CLDN10: variants seen among roughly 807,000 people sequenced by gnomAD.
CLDN10 encodes the protein claudin-10.
A neutral mutation model predicts 22.9 loss-of-function variants in CLDN10; 15 were observed. The observed-to-expected ratio is 0.65, with a 90% CI of 0.44 to 1.01. The LOEUF (loss-of-function observed/expected upper bound fraction) is 1.01, where lower values mean the gene tolerates loss of function less well. CLDN10 is among the 50% of genes least tolerant of loss of function. The probability of loss-of-function intolerance (pLI) is 0.00; values close to 1 mark genes in which losing one functional copy is unlikely to be tolerated. For missense variants in CLDN10, 247 were observed against 287.8 expected, an observed-to-expected ratio of 0.86 and a Z score of 1.03; for synonymous variants, 114 against 111.4, an observed-to-expected ratio of 1.02 and a Z score of -0.15.
chr13:95,529,091 G>A (rs1000792197), intron 1 of CLDN10, among the ~76,000 whole-genome samples: 2 of 151,964 alleles, frequency 1.3e-5, no homozygotes, highest in Non-Finnish European at 2.9e-5. Context: ...GTAAGATATT[G>A]CTGCCCATGT....
intron 1 of CLDN10, among the ~76,000 whole-genome samples, chr13:95,490,475 C>A (rs1297971256): frequency 6.6e-6 from 1 of 152,130 alleles, no homozygotes; most frequent in African/African-American, 2.4e-5. Context: ...TCATTATTGT[C>A]ATTCAGTTCA....
chr13:95,576,494 C>G (rs561558665), intron 3 of CLDN10, among the ~76,000 whole-genome samples: 1 of 152,284 alleles, frequency 6.6e-6, no homozygotes, highest in East Asian at 1.9e-4. Flanking sequence ...TTTTGGTGTA[C>G]TTTTCTCATT....
intron 1 of CLDN10, among the ~76,000 whole-genome samples, chr13:95,481,032 C>A (rs777721737): frequency 2.6e-5 from 4 of 152,104 alleles, no homozygotes; most frequent in Non-Finnish European, 5.9e-5. Flanking sequence ...AGAGGACACA[C>A]CATCCATAAA....
At chr13:95,576,128 G>A (rs946171541) in intron 3 of CLDN10, among the ~76,000 whole-genome samples, 1 of 152,170 alleles carries the variant, frequency 6.6e-6, no homozygotes, top group African/African-American at 2.4e-5. Flanking sequence ...GGCTCAGGAC[G>A]AACCCAGGCA....
At chr13:95,564,881 G>C (rs6492811) in intron 3 of CLDN10, among the ~76,000 whole-genome samples, 1 of 152,130 alleles carries the variant, frequency 6.6e-6, no homozygotes, top group Non-Finnish European at 1.5e-5. Flanking sequence ...TTCCCACCAC[G>C]TATCTGGGAA....
intron 1 of CLDN10, among the ~76,000 whole-genome samples, chr13:95,547,351 A>G (rs1457197431): frequency 6.6e-6 from 1 of 151,860 alleles, no homozygotes; most frequent in Non-Finnish European, 1.5e-5. Flanking sequence ...ATTCGACTCC[A>G]CACTTTCTGC....
chr13:95,532,737 G>T (rs2043356957), intron 1 of CLDN10, among the ~76,000 whole-genome samples: 1 of 112,158 alleles, frequency 8.9e-6, no homozygotes, highest in African/African-American at 3.5e-5. Flanking sequence ...ATGTTAATCT[G>T]CAGAAAAATG....
intron 1 of CLDN10, among the ~76,000 whole-genome samples, chr13:95,524,429 C>T (rs2043256713): frequency 6.6e-6 from 1 of 152,116 alleles, no homozygotes; most frequent in African/African-American, 2.4e-5. Flanking sequence ...GTCTTTGCGT[C>T]CGGGTTCTTT....
At chr13:95,481,168 G>T (rs1459587581) in intron 1 of CLDN10, among the ~76,000 whole-genome samples, 3 of 152,162 alleles carry the variant, frequency 2.0e-5, no homozygotes, top group African/African-American at 4.8e-5. Flanking sequence ...GGCACTCAGA[G>T]CATGGCCTAG....
rs2043613346 is a variant in CLDN10 at position 95,554,838 on chromosome 13, T to C, written c.220+1865T>C. On this transcript the variant is annotated intron_variant, in intron 1 of 4. Transcript: ENST00000299339. ...ACATTGGACCTTTTCCAGCTTTTCT[T>C]TGTTGGTGGTGCTTTACTGAAAATC... 3.3e-5 allele frequency among the ~76,000 whole-genome samples: 5 copies of C among 152,272 alleles called. No homozygotes were observed. The South Asian group carries it at 1.0e-3, about 32-fold the overall frequency.
intron 1 of CLDN10, among the ~76,000 whole-genome samples, chr13:95,503,214 C>T (rs2043004113): frequency 6.6e-6 from 1 of 151,916 alleles, no homozygotes; most frequent in Admixed American, 6.6e-5. Flanking sequence ...TGTAGATTTT[C>T]ATAGAGGTGA....
At position 95,485,205 on chromosome 13, in the gene CLDN10, C is replaced by T. The variant is rs576347675; in HGVS notation, c.214+51158C>T. On this transcript the variant is annotated intron_variant, in intron 1 of 4. Transcript: ENST00000376873. ...CAAGAGGGCGAGGTGCCCCTGGTTC[C>T]TGTAAGAGGATGTGTTTGGTTTGCT... Among the ~76,000 whole-genome samples the T allele has an allele frequency of 3.8e-4, 58 of 152,144 alleles. 1 individual carries two copies. The highest frequency in any genetic ancestry group is 1.4e-3 in the African/African-American group (57 of 41,526).
chr13:95,484,721 C>T (rs1382767775), intron 1 of CLDN10, among the ~76,000 whole-genome samples: 1 of 149,852 alleles, frequency 6.7e-6, no homozygotes, highest in Non-Finnish European at 1.5e-5. Context: ...CAAAAATTAG[C>T]CAGGTGTGGT....
intron 1 of CLDN10, among the ~76,000 whole-genome samples, chr13:95,475,267 A>G (rs1436921989): frequency 2.0e-5 from 3 of 152,186 alleles, no homozygotes; most frequent in African/African-American, 4.8e-5. Context: ...GTCAGGGGAC[A>G]TCCCTGTGAT....
chr13:95,549,031 T>C (rs1413685471), upstream of CLDN10, among the ~76,000 whole-genome samples: 11 of 152,184 alleles, frequency 7.2e-5, no homozygotes, highest in Admixed American at 7.2e-4. Flanking sequence ...TTAATAACCA[T>C]AATAAGCCAA....
chr13:95,505,582 G>A (rs983938530), intron 1 of CLDN10, among the ~76,000 whole-genome samples: 8 of 152,272 alleles, frequency 5.3e-5, no homozygotes, highest in Admixed American at 4.6e-4. Context: ...AGACAGTGAA[G>A]CAAATACAAC....
chr13:95,487,082 G>A (rs1041481572), intron 1 of CLDN10, among the ~76,000 whole-genome samples: 5 of 152,104 alleles, frequency 3.3e-5, no homozygotes, highest in Non-Finnish European at 7.4e-5. Flanking sequence ...TACACCTATG[G>A]GTGTTCTCTG....
intron 1 of CLDN10, among the ~76,000 whole-genome samples, chr13:95,513,773 ATC>A (rs1017442269): frequency 2.7e-5 from 4 of 146,614 alleles, no homozygotes; most frequent in African/African-American, 9.7e-5. Context: ...TTTCACTGTA[ATC>A]TCTGTCTATA....
Position 95,437,327 on chromosome 13 carries a change from G to C in CLDN10, c.214+3280G>C, listed in dbSNP as rs76791571. ...ATTCAATTCTTATTGGAGCCTGAAA[G>C]CTTGATTAAAATCCAAAGCCAATTC... On this transcript the variant is annotated intron_variant, in intron 1 of 4. Transcript: ENST00000376873. Among the ~76,000 whole-genome samples, 1,034 of 152,304 alleles carry C rather than the reference G, an allele frequency of 6.8e-3. 7 individuals carry two copies. Among genetic ancestry groups the C allele is most frequent in the Non-Finnish European group, 0.011 (753 of 68,032 alleles).
Sources: allele counts gnomAD v4.1 joint callset (sites outside exome capture counted in the v4.1 genomes callset), GRCh38; gene constraint gnomAD v4.1.1; transcripts MANE v1.5; gene names NCBI Gene and HGNC (gene_info 2026-07-23, HGNC 2026-07-21).